The following FRMPD4 variants were observed in gnomAD, a reference collection of about 807,000 sequenced individuals.
The protein encoded by FRMPD4 is FERM and PDZ domain-containing protein 4.
In FRMPD4, 22 loss-of-function variants were observed where a neutral mutation model predicts 94.1. The observed-to-expected ratio is 0.23, with a 90% CI of 0.17 to 0.33. The LOEUF (loss-of-function observed/expected upper bound fraction) is 0.33. FRMPD4 is among the 10% of genes least tolerant of loss of function. FRMPD4 has a pLI of 1.00. For synonymous variants in FRMPD4, 631 were observed against 548.6 expected, an observed-to-expected ratio of 1.15 and a Z score of -2.10; for missense variants, 1,111 against 1,339.9, an observed-to-expected ratio of 0.83 and a Z score of 2.67.
Position 12,055,073 on chromosome X carries a change from TC to T in FRMPD4, c.95+177056del, listed in dbSNP as rs2054846660. 2.7e-5 allele frequency: 3 copies of T among 112,551 alleles called. No individual in the cohort carries two copies. In the Admixed American group the frequency reaches 2.8e-4, roughly 11 times the overall value. The allele number at this position is 112,551 out of a possible 1,213,427, so 9.3% of individuals were successfully genotyped here. On this transcript the variant is annotated intron_variant, in intron 3 of 18. Transcript: ENST00000640291. ...AATTATTTCACAACATACACATACA[TC>T]AAAACATCACATTGTACACTGTAAA...
intron 3 of FRMPD4, among the ~76,000 whole-genome samples, chrX:12,077,583 G>C (rs1245626546): frequency 9.0e-6 from 1 of 111,700 alleles, no homozygotes; most frequent in Non-Finnish European, 1.9e-5. Flanking sequence ...ACCCACTTAG[G>C]GCTGACCTGT....
intron 1 of FRMPD4, among the ~76,000 whole-genome samples, chrX:12,401,874 A>G (rs771315545): frequency 8.9e-6 from 1 of 111,768 alleles, no homozygotes; most frequent in South Asian, 3.8e-4. Context: ...ATTGTTCTCA[A>G]GTGGCTCAAA....
intron 3 of FRMPD4, among the ~76,000 whole-genome samples, chrX:12,050,911 A>T (rs1026306910): frequency 4.5e-5 from 5 of 111,516 alleles, no homozygotes; most frequent in African/African-American, 1.6e-4. Context: ...ATTACAAACG[A>T]CCTAAGTAGC....
chrX:12,540,145 G>A (rs964946780), intron 2 of FRMPD4, among the ~76,000 whole-genome samples: 2 of 112,187 alleles, frequency 1.8e-5, no homozygotes, highest in African/African-American at 3.2e-5. Flanking sequence ...ATGACAAACT[G>A]CAAAGACCAT....
chrX:12,313,176 T>C (rs2055062437), intron 1 of FRMPD4, among the ~76,000 whole-genome samples: 1 of 112,429 alleles, frequency 8.9e-6, no homozygotes, highest in Admixed American at 9.4e-5. Flanking sequence ...AGTTTCAAAC[T>C]TGAGAAGATG....
chrX:12,288,173 C>G (rs764077314), intron 1 of FRMPD4, among the ~76,000 whole-genome samples: 6 of 112,151 alleles, frequency 5.3e-5, no homozygotes, highest in Admixed American at 1.9e-4. Flanking sequence ...GATGATATTA[C>G]TGTGACTGCT....
intron 3 of FRMPD4, among the ~76,000 whole-genome samples, chrX:12,113,920 T>C (rs1365451406): frequency 1.8e-5 from 2 of 112,282 alleles, no homozygotes. Flanking sequence ...ACCTTTTGCA[T>C]AGATATTTGG....
intron 1 of FRMPD4, among the ~76,000 whole-genome samples, chrX:12,183,126 A>ATCTATC (rs1569182895): frequency 3.6e-5 from 3 of 83,790 alleles, no homozygotes; most frequent in African/African-American, 1.2e-4. Flanking sequence ...ATCTATCTAT[A>ATCTATC]TATATATATG....
At chrX:11,966,300 G>A (rs1313816866) in intron 3 of FRMPD4, among the ~76,000 whole-genome samples, 1 of 110,924 alleles carries the variant, frequency 9.0e-6, no homozygotes, top group Admixed American at 9.6e-5. Context: ...AATGGGATTA[G>A]TGCCCTTGTA....
intron 3 of FRMPD4, among the ~76,000 whole-genome samples, chrX:12,118,510 A>G (rs987841788): frequency 8.9e-6 from 1 of 112,187 alleles, no homozygotes; most frequent in Non-Finnish European, 1.9e-5. Context: ...GTCATTGTCA[A>G]TGGAAGCAGA....
At chrX:12,055,718 A>G (rs2054850225) in intron 3 of FRMPD4, among the ~76,000 whole-genome samples, 1 of 112,130 alleles carries the variant, frequency 8.9e-6, no homozygotes, top group Non-Finnish European at 1.9e-5. Context: ...AATAGGCCAC[A>G]TCTATCTTTT....
At chrX:12,583,487 C>A in intron 2 of FRMPD4, 1 of 1,189,645 alleles carries the variant, frequency 8.4e-7, no homozygotes, top group South Asian at 1.8e-5. Context: ...GGAACTTTCA[C>A]CCACGGCAGA....
chrX:12,163,347 TTTTG>T (rs1317174187), intron 1 of FRMPD4, among the ~76,000 whole-genome samples: 19 of 107,385 alleles, frequency 1.8e-4, no homozygotes, highest in Non-Finnish European at 3.1e-4. Context: ...GCTTTGGGGG[TTTTG>T]TTTGTTTCTT....
chrX:12,426,876 G>GTT (rs11401296), intron 1 of FRMPD4, among the ~76,000 whole-genome samples: 17 of 55,930 alleles, frequency 3.0e-4, no homozygotes, highest in African/African-American at 7.4e-4. Context: ...TCTAGCTGTA[G>GTT]TTTTTTTTTG....
At chrX:12,701,558 T>A (rs1245337837) in intron 9 of FRMPD4, among the ~76,000 whole-genome samples, 1 of 112,153 alleles carries the variant, frequency 8.9e-6, no homozygotes, top group Non-Finnish European at 1.9e-5. Context: ...ATGCTATCAA[T>A]GCTGTGTGCA....
chrX:11,838,826 T>C (rs2053516568), intron 1 of FRMPD4, among the ~76,000 whole-genome samples: 1 of 112,185 alleles, frequency 8.9e-6, no homozygotes, highest in Non-Finnish European at 1.9e-5. Context: ...AGTTTCTTTT[T>C]CTTGCTGAAT....
intron 1 of FRMPD4, among the ~76,000 whole-genome samples, chrX:12,198,221 CG>C (rs925064413): frequency 1.8e-5 from 2 of 111,740 alleles, no homozygotes; most frequent in African/African-American, 6.5e-5. Context: ...CAGTAAAGTT[CG>C]GGTTTCCATC....
upstream of FRMPD4, among the ~76,000 whole-genome samples, chrX:12,134,943 G>A (rs1170939497): frequency 8.9e-6 from 1 of 112,142 alleles, no homozygotes; most frequent in Non-Finnish European, 1.9e-5. Context: ...AGGTAAAGAT[G>A]TATTATTTCC....
intron 3 of FRMPD4, among the ~76,000 whole-genome samples, chrX:11,917,570 G>A (rs1472743106): frequency 8.9e-6 from 1 of 112,040 alleles, no homozygotes; most frequent in Non-Finnish European, 1.9e-5. Flanking sequence ...ATAAAAAGAG[G>A]GAAATCGTGT....
Sources: gnomAD v4.1 joint callset for allele counts (sites outside exome capture counted in the v4.1 genomes callset) on GRCh38, gnomAD v4.1.1 for gene constraint, MANE v1.5 for transcripts, NCBI Gene and HGNC (gene_info 2026-07-23, HGNC 2026-07-21) for gene names.